The following SHISA9 variants were observed in gnomAD, a reference collection of about 807,000 sequenced individuals.
SHISA9 encodes shisa family member 9.
Under a neutral mutation model 38.0 loss-of-function variants are expected in SHISA9, and 13 were observed. The observed-to-expected ratio is 0.34, with a 90% CI of 0.22 to 0.54. SHISA9 has a LOEUF of 0.54. SHISA9 is among the 20% of genes least tolerant of loss of function. The pLI is 0.91. For missense variants in SHISA9, 538 were observed against 575.8 expected (o/e 0.93, Z 0.67); for synonymous variants, 275 against 242.0 (o/e 1.14, Z -1.27).
At chr16:13,428,113 A>G in the SHISA9 span, among the ~76,000 whole-genome samples, 14,209 of 152,258 alleles carry the variant, frequency 0.093, 767 homozygotes, top group South Asian at 0.2. Context: ...GCAAACATCC[A>G]AGCCAATAAG....
At chr16:13,269,088 G>C in the SHISA9 span, among the ~76,000 whole-genome samples, 1 of 152,184 alleles carries the variant, frequency 6.6e-6, no homozygotes, top group Admixed American at 6.5e-5. Context: ...ACAGAAGGGA[G>C]GTTCTGTTCA....
the SHISA9 span, among the ~76,000 whole-genome samples, chr16:13,283,512 G>A: frequency 6.6e-6 from 1 of 152,060 alleles, no homozygotes; most frequent in Non-Finnish European, 1.5e-5. Flanking sequence ...TTACATGGTG[G>A]CAGGGAAGAG....
Position 13,069,391 on chromosome 16 carries a change from A to G in SHISA9, c.692-134003A>G, listed in dbSNP as rs535782327. Among the ~76,000 whole-genome samples, 159 of 151,690 alleles carry G rather than the reference A, an allele frequency of 1.0e-3. 2 individuals are homozygous for G. Among genetic ancestry groups the G allele is most frequent in the Non-Finnish European group, 1.8e-3 (121 of 67,826 alleles). On this transcript the variant is annotated intron_variant, in intron 2 of 4. Coordinates refer to ENST00000558583, the MANE Select transcript of SHISA9 (RefSeq NM_001145204.3). ...GTACGTGTGTGTACATGCAATGTGTATGTGTGTACATACAATGTGTGCATG... is the reference window on the plus strand; with the variant it reads ...GTACGTGTGTGTACATGCAATGTGTGTGTGTGTACATACAATGTGTGCATG...
At chr16:13,201,529 C>A (rs143844408) in intron 2 of SHISA9, among the ~76,000 whole-genome samples, 1 of 134,352 alleles carries the variant, frequency 7.4e-6, no homozygotes. Context: ...CAACTGTCTT[C>A]TGTCTAGGGC....
At chr16:12,913,028 A>G (rs1171233513) in intron 1 of SHISA9, among the ~76,000 whole-genome samples, 3 of 151,262 alleles carry the variant, frequency 2.0e-5, no homozygotes, top group Admixed American at 1.3e-4. Flanking sequence ...CCTGATTTAC[A>G]CCGAATCTCT....
chr16:13,336,612 A>G, the SHISA9 span, among the ~76,000 whole-genome samples: 9 of 152,192 alleles, frequency 5.9e-5, no homozygotes, highest in African/African-American at 1.2e-4. Flanking sequence ...AAAGATGAGA[A>G]ATGTGTTTCC....
intron 2 of SHISA9, among the ~76,000 whole-genome samples, chr16:12,917,976 T>A (rs1328330240): frequency 6.6e-6 from 1 of 152,222 alleles, no homozygotes; most frequent in African/African-American, 2.4e-5. Flanking sequence ...TGCCTAGTGA[T>A]GATTTTTCAT....
chr16:13,226,583 A>G (rs895585835), intron 4 of SHISA9, among the ~76,000 whole-genome samples: 3 of 152,244 alleles, frequency 2.0e-5, no homozygotes, highest in Non-Finnish European at 4.4e-5. Flanking sequence ...CAACTGCTGC[A>G]TAACAAATGA....
chr16:13,470,822 T>A, the SHISA9 span, among the ~76,000 whole-genome samples: 1 of 152,112 alleles, frequency 6.6e-6, no homozygotes, highest in Admixed American at 6.5e-5. Context: ...GTTAAAGTCC[T>A]TGTCTCAGAG....
At chr16:13,187,328 CTTTT>C (rs372286181) in intron 2 of SHISA9, among the ~76,000 whole-genome samples, 19,400 of 91,724 alleles carry the variant, frequency 0.21, 1,799 homozygotes, top group Middle Eastern at 0.38. Flanking sequence ...CTTTTCTTTT[CTTTT>C]TTTTTTTTTT....
At chr16:13,031,683 C>G (rs1168342679) in intron 2 of SHISA9, among the ~76,000 whole-genome samples, 1 of 152,030 alleles carries the variant, frequency 6.6e-6, no homozygotes, top group Non-Finnish European at 1.5e-5. Flanking sequence ...TTTTTACGGC[C>G]TAAAAAATAA....
At chr16:13,490,970 T>G in the SHISA9 span, among the ~76,000 whole-genome samples, 1 of 152,218 alleles carries the variant, frequency 6.6e-6, no homozygotes, top group Non-Finnish European at 1.5e-5. Context: ...AATCAAAGGC[T>G]GTATTGCTGC....
intron 2 of SHISA9, among the ~76,000 whole-genome samples, chr16:13,131,162 G>A (rs2050303096): frequency 6.6e-6 from 1 of 152,120 alleles, no homozygotes; most frequent in African/African-American, 2.4e-5. Context: ...ATACATGCAT[G>A]TGTATGTTCA....
the SHISA9 span, among the ~76,000 whole-genome samples, chr16:13,366,532 C>T: frequency 1.3e-5 from 2 of 152,108 alleles, no homozygotes; most frequent in Non-Finnish European, 2.9e-5. Flanking sequence ...ACCTAGACCA[C>T]ACTGTGAGTA....
At chr16:13,150,042 A>AC (rs2050484449) in intron 2 of SHISA9, among the ~76,000 whole-genome samples, 1 of 149,578 alleles carries the variant, frequency 6.7e-6, no homozygotes, top group African/African-American at 2.4e-5. Context: ...AAAAAAAAAA[A>AC]AAAAAAAAAA....
At chr16:13,472,142 A>G in the SHISA9 span, among the ~76,000 whole-genome samples, 1 of 152,168 alleles carries the variant, frequency 6.6e-6, no homozygotes, top group Non-Finnish European at 1.5e-5. Flanking sequence ...TGATCTGGAA[A>G]ACATATACTT....
chr16:13,317,367 G>A, the SHISA9 span, among the ~76,000 whole-genome samples: 1 of 152,212 alleles, frequency 6.6e-6, no homozygotes. Flanking sequence ...GATTCTCAGG[G>A]GAAGTGTAAA....
the SHISA9 span, among the ~76,000 whole-genome samples, chr16:13,338,699 C>T: frequency 1.3e-5 from 2 of 152,132 alleles, no homozygotes; most frequent in Non-Finnish European, 2.9e-5. Context: ...CCCATGTTTT[C>T]TGGAGTTCTA....
At chr16:13,037,423 C>T (rs1042204764) in intron 2 of SHISA9, among the ~76,000 whole-genome samples, 1 of 151,780 alleles carries the variant, frequency 6.6e-6, no homozygotes, top group Non-Finnish European at 1.5e-5. Flanking sequence ...ATATCAGCAG[C>T]GATGGTTTTG....
Sources: allele counts gnomAD v4.1 joint callset (sites outside exome capture counted in the v4.1 genomes callset), GRCh38; gene constraint gnomAD v4.1.1; transcripts MANE v1.5; gene names NCBI Gene and HGNC (gene_info 2026-07-23, HGNC 2026-07-21).